The following TACC1 variants were observed in gnomAD, a reference collection of about 807,000 sequenced individuals.
TACC1 encodes the protein transforming acidic coiled-coil containing protein 1.
In TACC1, 48 loss-of-function variants were observed where a neutral mutation model predicts 84.4. The ratio of observed to expected loss-of-function variants is 0.57; its 90% confidence interval spans 0.45 to 0.72. The LOEUF (loss-of-function observed/expected upper bound fraction) is 0.72, where lower values mean the gene tolerates loss of function less well. Among genes scored for constraint, TACC1 ranks in the 30% least tolerant of loss-of-function variants. The pLI, the probability that TACC1 is intolerant of heterozygous loss-of-function variation, is 0.00. For missense variants in TACC1, 920 were observed against 973.0 expected (o/e 0.95, Z 0.72); for synonymous variants, 372 against 376.3 (o/e 0.99, Z 0.13).
intron 3 of TACC1, among the ~76,000 whole-genome samples, chr8:38,767,804 T>G (rs1812531687): frequency 6.6e-6 from 1 of 152,094 alleles, no homozygotes; most frequent in Non-Finnish European, 1.5e-5. Context: ...GTGGCTCACG[T>G]CTGTAATCCC....
intron 1 of TACC1, among the ~76,000 whole-genome samples, chr8:38,737,018 A>G (rs1174903194): frequency 2.0e-5 from 3 of 152,196 alleles, no homozygotes; most frequent in African/African-American, 4.8e-5. Context: ...CATGGAAGTC[A>G]TTTGACTCAA....
At chr8:38,799,628 G>A (rs1820876644) in intron 2 of TACC1, 1 of 152,198 alleles carries the variant, frequency 6.6e-6, no homozygotes, top group South Asian at 2.1e-4. Flanking sequence ...TGCCCACAAA[G>A]TAAAAAAAGC....
chr8:38,820,228 A>C lies in TACC1; in HGVS notation c.984A>C (p.Thr328=). 1 of 1,614,162 alleles carries C rather than the reference A, an allele frequency of 6.2e-7. No individual in the cohort carries two copies. The highest frequency in any genetic ancestry group is 8.5e-7 in the Non-Finnish European group (1 of 1,180,020). The change falls in exon 3 of 13, where the codon ACA becomes ACC. Residue 328 remains threonine, a synonymous_variant. Coordinates refer to ENST00000317827, the MANE Select transcript of TACC1 (RefSeq NM_006283.3). The stretch of plus-strand genomic sequence containing the variant: ...TTGAGTTTGATTTCACAGAAGATAC[A>C]GGAAACATAGAGGCCAGGAAAGCCC... ...LKLEFDFTED[T]GNIEARKALP...
At chr8:38,730,170 CCT>C (rs1188306307) in intron 1 of TACC1, among the ~76,000 whole-genome samples, 5 of 152,214 alleles carry the variant, frequency 3.3e-5, no homozygotes, top group African/African-American at 1.2e-4. Flanking sequence ...CTAGCTTGCC[CCT>C]GTCTAGGCTC....
chr8:38,819,947 C>G lies in TACC1; in HGVS notation c.703C>G (p.Pro235Ala). Residue 235 changes from proline (P) to alanine (A), a missense_variant, in exon 3 of 13, where the codon CCT becomes GCT. Coordinates refer to ENST00000317827, the MANE Select transcript of TACC1 (RefSeq NM_006283.3). ...AAGAAGCAAGCTGAGAAAGCCCAAG[C>G]CTGTCCCCCTGAGGAAGAAAGCAAT... ...SRRSKLRKPK[P>A]VPLRKKAIGG... The G allele has an allele frequency of 1.9e-6, 3 of 1,614,166 alleles. No individual in the cohort carries two copies. Among genetic ancestry groups the G allele is most frequent in the Middle Eastern group, 3.3e-4 (2 of 6,062 alleles).
intron 2 of TACC1, among the ~76,000 whole-genome samples, chr8:38,797,545 G>T (rs527808034): frequency 6.6e-6 from 1 of 152,308 alleles, no homozygotes; most frequent in South Asian, 2.1e-4. Context: ...CCATGGATGT[G>T]TCTCATGCAC....
In TACC1 at chr8:38,846,714, T is replaced by C; in HGVS notation, c.2244T>C (p.Ile748=). The stretch of plus-strand genomic sequence containing the variant: ...CCATAAACAGAGCCAATGAAGAGAT[T>C]GCTCAGGTTCGAACAAAAGCAAAGG... ...EEKLDKANEE[I]AQVRTKAKAE... Residue 748 remains isoleucine (I), a synonymous_variant, in exon 12 of 13, where the codon ATT becomes ATC. Coordinates refer to ENST00000317827, the MANE Select transcript of TACC1 (RefSeq NM_006283.3). 1.2e-6 allele frequency: 2 copies of C among 1,614,174 alleles called. No individual in the cohort carries two copies. The highest frequency in any genetic ancestry group is 1.7e-6 in the Non-Finnish European group (2 of 1,180,016).
rs143597674 is a variant in TACC1 at position 38,745,139 on chromosome 8, A to G, written c.-329A>G. The G allele has an allele frequency of 1.0e-3, 233 of 230,330 alleles. 1 individual carries two copies. Among genetic ancestry groups the G allele is most frequent in the African/African-American group, 4.7e-3 (210 of 44,636 alleles). The allele number at this position is 230,330 out of a possible 1,614,324, so 14.3% of individuals were successfully genotyped here. On this transcript the variant is annotated 5_prime_UTR_variant, in exon 3 of 15. Transcript: ENST00000518415. The stretch of plus-strand genomic sequence containing the variant: ...AAGGAATCCAGAAAAGCAAGAGTCA[A>G]AGAAGGCATCTGCAGGCCAAATCTC...
Position 38,742,350 on chromosome 8 carries a change from G to A in TACC1, c.-674-1G>A. On this transcript the variant is annotated splice_acceptor_variant, in intron 1 of 14. Coordinates refer to the TACC1 transcript ENST00000518415. LOFTEE classifies it low-confidence loss of function (5UTR_SPLICE). Reference sequence around the variant, plus strand: ...TCCCACCTGACTTAATTCTCTTCCAGTCCCAAGGGTTCCAAGGCCAGAGAG... The same window carrying A: ...TCCCACCTGACTTAATTCTCTTCCAATCCCAAGGGTTCCAAGGCCAGAGAG... 1 of 1,378,712 alleles carries A rather than the reference G, an allele frequency of 7.3e-7. No individual in the cohort carries two copies. The allele number at this position is 1,378,712 out of a possible 1,614,324, so 85.4% of individuals were successfully genotyped here. A position where few individuals can be genotyped will look rare whatever the true frequency, so the allele number is the denominator to read the frequency against.
chr8:38,732,548 T>A lies in TACC1; in HGVS notation c.-675+3877T>A, dbSNP rs531121183. Among the ~76,000 whole-genome samples the A allele has an allele frequency of 5.9e-4, 90 of 152,352 alleles. 2 individuals carry two copies. The South Asian group carries it at 0.018, about 30-fold the overall frequency. On this transcript the variant is annotated intron_variant, in intron 1 of 14. Coordinates refer to the TACC1 transcript ENST00000518415. ...ATGTATAATGATCTTGAAACTAGTT[T>A]GCCAACTTTTACTTGAAGTAGAAGT... is the stretch of plus-strand genomic sequence containing the variant.
At chr8:38,802,442 C>T (rs940025870) in intron 2 of TACC1, 4 of 152,168 alleles carry the variant, frequency 2.6e-5, no homozygotes, top group African/African-American at 9.7e-5. Context: ...GTTTTGCACT[C>T]CTTGTGAGAA....
intron 10 of TACC1, 34 bp from the exon 11 acceptor site, chr8:38,843,255 G>T (rs779623927): frequency 2.8e-6 from 4 of 1,441,792 alleles, no homozygotes; most frequent in South Asian, 2.7e-5. Flanking sequence ...GAAACAAAAT[G>T]ACCTGTTTAT....
chr8:38,768,590 T>G (rs904003175), intron 3 of TACC1, among the ~76,000 whole-genome samples: 1 of 152,160 alleles, frequency 6.6e-6, no homozygotes, highest in Non-Finnish European at 1.5e-5. Flanking sequence ...GTTTGATCGA[T>G]TCCATACCCC....
In TACC1 at chr8:38,819,973, TGGA is replaced by T; in HGVS notation, c.734_736del (p.Gly245del). 6.2e-7 allele frequency: 1 copy of T among 1,614,048 alleles called. No individual in the cohort carries two copies. The highest frequency in any genetic ancestry group is 1.3e-5 in the African/African-American group (1 of 75,046). On this transcript the variant is annotated inframe_deletion, in exon 3 of 13. Transcript: ENST00000317827. ...CTGTCCCCCTGAGGAAGAAAGCAAT[TGGA>T]GGAGAGTTCTCAGACACCAACGCTG... is the stretch of plus-strand genomic sequence containing the variant.
chr8:38,844,677 A>G (rs1320292710), intron 11 of TACC1, among the ~76,000 whole-genome samples: 1 of 152,130 alleles, frequency 6.6e-6, no homozygotes, highest in African/African-American at 2.4e-5. Context: ...TAATTTTTCA[A>G]GTTTATCATT....
chr8:38,759,520 G>A (rs760206131), intron 3 of TACC1, among the ~76,000 whole-genome samples: 3 of 152,164 alleles, frequency 2.0e-5, no homozygotes, highest in Admixed American at 6.5e-5. Context: ...TGTTTTACCC[G>A]TATAATATAA....
At chr8:38,818,055 T>C (rs1017750086) in intron 2 of TACC1, among the ~76,000 whole-genome samples, 2 of 151,586 alleles carry the variant, frequency 1.3e-5, no homozygotes. Context: ...GGCTGTCCTG[T>C]CTCTACATAA....
At chr8:38,738,867 G>A (rs563663894) in intron 1 of TACC1, among the ~76,000 whole-genome samples, 3 of 152,230 alleles carry the variant, frequency 2.0e-5, no homozygotes, top group African/African-American at 7.2e-5. Flanking sequence ...TCAGCTGATA[G>A]GGCAAGGAGG....
intron 2 of TACC1, chr8:38,744,194 A>G (rs1807617110): frequency 6.6e-6 from 1 of 152,232 alleles, no homozygotes; most frequent in Non-Finnish European, 1.5e-5. Context: ...CAGGGAAAAG[A>G]AAAGACCAAT....
Sources: allele counts gnomAD v4.1 joint callset (sites outside exome capture counted in the v4.1 genomes callset), GRCh38; gene constraint gnomAD v4.1.1; transcripts MANE v1.5; gene names NCBI Gene and HGNC (gene_info 2026-07-23, HGNC 2026-07-21).